Variants in PCSK5 observed in about 807,000 individuals in gnomAD.
PCSK5 encodes prohormone convertase 5.
PCSK5 carries 129 observed loss-of-function variants against 233.2 expected under a neutral mutation model. The observed-to-expected ratio is 0.55, with a 90% CI of 0.48 to 0.64. The LOEUF is 0.64. Among genes scored for constraint, PCSK5 ranks in the 30% least tolerant of loss-of-function variants. The probability of loss-of-function intolerance (pLI) is 0.00; values close to 1 mark genes in which losing one functional copy is unlikely to be tolerated. For missense variants in PCSK5, 2,076 were observed against 2,430.1 expected, an observed-to-expected ratio of 0.85 and a Z score of 3.06; for synonymous variants, 825 against 879.2, an observed-to-expected ratio of 0.94 and a Z score of 1.09.
rs79674013 is a variant in PCSK5, at chr9:75,981,460, G to A, written c.298-4672G>A. The stretch of plus-strand genomic sequence containing the variant: ...ACCCAATTTTCTTAATATTTAAGTT[G>A]TGTTGGAATATAATATAAAATCATC... On this transcript the variant is annotated intron_variant, in intron 2 of 37. Coordinates refer to ENST00000674117, the MANE Select transcript of PCSK5 (RefSeq NM_001372043.1). Among the ~76,000 whole-genome samples the A allele has an allele frequency of 8.1e-3, 1,233 of 152,240 alleles. 21 individuals carry two copies. The highest frequency in any genetic ancestry group is 0.026 in the African/African-American group (1,077 of 41,548).
chr9:76,055,678 G>A (rs1035137555), intron 5 of PCSK5, among the ~76,000 whole-genome samples: 5 of 152,152 alleles, frequency 3.3e-5, no homozygotes, highest in Non-Finnish European at 5.9e-5. Context: ...TGCAGATAAA[G>A]GAGCCATGAA....
intron 3 of PCSK5, among the ~76,000 whole-genome samples, chr9:76,012,665 C>T (rs995848900): frequency 6.6e-6 from 1 of 152,098 alleles, no homozygotes; most frequent in African/African-American, 2.4e-5. Context: ...TATATAAAAG[C>T]ATAACGATGA....
intron 12 of PCSK5, among the ~76,000 whole-genome samples, chr9:76,160,893 C>A (rs985330843): frequency 7.2e-5 from 11 of 151,962 alleles, no homozygotes; most frequent in African/African-American, 2.7e-4. Flanking sequence ...CCTGCCTGAG[C>A]CTCTCCAGTA....
At chr9:75,918,172 C>G (rs78387300) in intron 1 of PCSK5, among the ~76,000 whole-genome samples, 1 of 152,070 alleles carries the variant, frequency 6.6e-6, no homozygotes, top group East Asian at 1.9e-4. Flanking sequence ...GGGCCCTTAG[C>G]GTTATAAAAG....
intron 9 of PCSK5, among the ~76,000 whole-genome samples, chr9:76,120,953 A>G (rs12338730): frequency 0.015 from 2,355 of 152,212 alleles, 61 homozygotes; most frequent in African/African-American, 0.054. Context: ...GATTGTTGCT[A>G]GGATTAAGTG....
At chr9:76,016,641 T>C (rs896466118) in intron 3 of PCSK5, among the ~76,000 whole-genome samples, 8 of 152,238 alleles carry the variant, frequency 5.3e-5, no homozygotes, top group African/African-American at 1.9e-4. Context: ...ATATGAGACT[T>C]GTAAAGATTC....
chr9:75,909,280 C>T (rs192988246), intron 1 of PCSK5, among the ~76,000 whole-genome samples: 90 of 151,438 alleles, frequency 5.9e-4, no homozygotes, highest in African/African-American at 1.9e-3. Flanking sequence ...GAGCCAAGAT[C>T]GCGCCACTGC....
At chr9:76,196,079 G>T (rs1408947853) in intron 20 of PCSK5, among the ~76,000 whole-genome samples, 1 of 152,182 alleles carries the variant, frequency 6.6e-6, no homozygotes, top group African/African-American at 2.4e-5. Flanking sequence ...ATGTAAGAAA[G>T]GAATGGGTTA....
At chr9:75,928,296 A>G (rs1336172595) in intron 1 of PCSK5, among the ~76,000 whole-genome samples, 1 of 151,948 alleles carries the variant, frequency 6.6e-6, no homozygotes, top group Admixed American at 6.6e-5. Flanking sequence ...TTAGTTATAT[A>G]TTGTTCCTTG....
chr9:76,248,206 A>G (rs1826681914), intron 24 of PCSK5, among the ~76,000 whole-genome samples: 1 of 152,212 alleles, frequency 6.6e-6, no homozygotes, highest in South Asian at 2.1e-4. Flanking sequence ...CTAGGATTAC[A>G]GGCATGATCT....
chr9:76,073,175 T>C (rs1487547613), intron 7 of PCSK5, among the ~76,000 whole-genome samples: 9 of 152,236 alleles, frequency 5.9e-5, no homozygotes, highest in African/African-American at 2.2e-4. Context: ...TGGAATGCAT[T>C]GTTGATTAAT....
chr9:76,134,034 A>C, intron 9 of PCSK5, 75 bp from the exon 10 acceptor site: 1 of 1,022,790 alleles, frequency 9.8e-7, no homozygotes, highest in Non-Finnish European at 1.5e-6. Flanking sequence ...TTGCTTTTTT[A>C]ATTTGCTTGT....
In PCSK5 at chr9:75,891,062, C is replaced by A. The variant is rs1014906214; in HGVS notation, c.-120C>A. The A allele has an allele frequency of 2.1e-6, 2 of 931,528 alleles. No individual in the cohort carries two copies. Among genetic ancestry groups the A allele is most frequent in the African/African-American group, 3.5e-5 (2 of 56,670 alleles). 57.7% of individuals were successfully genotyped at this position (931,528 alleles called of 1,614,324 possible). A position where few individuals can be genotyped will look rare whatever the true frequency, so the allele number is the denominator to read the frequency against. ...GCCGCCTCCTGCCGATCGCCCGGGG[C>A]TGCGAGCTGCGGCGGCCCGGGGCTG... On this transcript the variant is annotated 5_prime_UTR_variant, in exon 1 of 38. It adds an upstream start codon to the 5' untranslated region. Transcript: ENST00000674117.
intron 9 of PCSK5, among the ~76,000 whole-genome samples, chr9:76,133,754 T>A (rs1485618563): frequency 2.0e-5 from 3 of 152,028 alleles, no homozygotes; most frequent in Non-Finnish European, 2.9e-5. Flanking sequence ...CTTATCGTAA[T>A]CTGATGATGA....
chr9:75,914,129 G>T (rs946962152), intron 1 of PCSK5, among the ~76,000 whole-genome samples: 2 of 152,158 alleles, frequency 1.3e-5, no homozygotes, highest in African/African-American at 4.8e-5. Flanking sequence ...GTATCATCAT[G>T]TACCTGGAAT....
chr9:76,128,041 A>G (rs1359395627), intron 9 of PCSK5, among the ~76,000 whole-genome samples: 1 of 152,208 alleles, frequency 6.6e-6, no homozygotes, highest in Non-Finnish European at 1.5e-5. Context: ...TGAATGAGAA[A>G]TAGAAATGAG....
chr9:76,097,558 C>G (rs112337963), intron 8 of PCSK5, among the ~76,000 whole-genome samples: 2,562 of 152,302 alleles, frequency 0.017, 59 homozygotes, highest in South Asian at 0.072. Flanking sequence ...GGCAAACAGC[C>G]AGTGTAATTA....
intron 24 of PCSK5, chr9:76,286,522 G>A: frequency 6.4e-6 from 1 of 155,674 alleles, no homozygotes. Context: ...TCTGGCATGA[G>A]CTCCATCTCT....
intron 7 of PCSK5, among the ~76,000 whole-genome samples, chr9:76,077,332 A>G (rs1830677273): frequency 6.6e-6 from 1 of 152,136 alleles, no homozygotes; most frequent in African/African-American, 2.4e-5. Context: ...TTTCTCTCTC[A>G]ACTCTATTGT....
Sources: allele counts gnomAD v4.1 joint callset (sites outside exome capture counted in the v4.1 genomes callset), GRCh38; gene constraint gnomAD v4.1.1; transcripts MANE v1.5; gene names NCBI Gene and HGNC (gene_info 2026-07-23, HGNC 2026-07-21).